Variants in EML4 observed in about 807,000 individuals in gnomAD.
The protein encoded by EML4 is echinoderm microtubule-associated protein-like 4.
In EML4, 72 loss-of-function variants were observed where a neutral mutation model predicts 129.0. The observed-to-expected ratio is 0.56, with a 90% CI of 0.46 to 0.68. The LOEUF (loss-of-function observed/expected upper bound fraction) is 0.68. Ranked by LOEUF, EML4 falls within the 30% of genes least tolerant of loss-of-function variation. The probability of loss-of-function intolerance (pLI) is 0.00; values close to 1 mark genes in which losing one functional copy is unlikely to be tolerated. For missense variants in EML4, 1,363 were observed against 1,190.6 expected (o/e 1.14, Z -2.13); for synonymous variants, 532 against 405.0 (o/e 1.31, Z -3.77).
At chr2:42,270,876 C>G (rs761145268) in intron 6 of EML4, among the ~76,000 whole-genome samples, 1 of 152,186 alleles carries the variant, frequency 6.6e-6, no homozygotes. Flanking sequence ...GAGACACATA[C>G]TTAATTCTAA....
chr2:42,204,497 A>G (rs1672422450), intron 1 of EML4, among the ~76,000 whole-genome samples: 1 of 152,174 alleles, frequency 6.6e-6, no homozygotes, highest in Non-Finnish European at 1.5e-5. Context: ...CATTGACAGT[A>G]CCCAAAAGAA....
At chr2:42,174,319 C>G (rs892284368) in intron 1 of EML4, among the ~76,000 whole-genome samples, 12 of 152,020 alleles carry the variant, frequency 7.9e-5, no homozygotes, top group African/African-American at 2.4e-4. Context: ...CTGACGGAGT[C>G]TTGCTCTGTC....
In EML4 at chr2:42,331,418, A is replaced by G; in HGVS notation, c.*1211A>G. 4.5e-6 allele frequency: 1 copy of G among 223,854 alleles called. No homozygotes were observed. The highest frequency in any genetic ancestry group is 5.7e-5 in the Admixed American group (1 of 17,522). The allele number at this position is 223,854 out of a possible 1,614,324, so 13.9% of individuals were successfully genotyped here. On this transcript the variant is annotated 3_prime_UTR_variant, in exon 23 of 23. Transcript: ENST00000318522. ...ATGCATTGGAAAGGTATTTTTTTTAAGTTCTGTTGGCTAGCTATGGTTTTC... is the reference window on the plus strand; with the variant it reads ...ATGCATTGGAAAGGTATTTTTTTTAGGTTCTGTTGGCTAGCTATGGTTTTC...
chr2:42,222,537 G>C (rs766280868), intron 1 of EML4, among the ~76,000 whole-genome samples: 4 of 152,020 alleles, frequency 2.6e-5, no homozygotes, highest in Non-Finnish European at 5.9e-5. Flanking sequence ...CCAGTAATTG[G>C]GACAAAGACC....
In EML4 at chr2:42,235,295, C is replaced by CA. The variant is rs770826722; in HGVS notation, c.26-10195dup. ...GGGTGACAAGAGCGAAACTCCATCTCAAAAAAAAAAAAAAAGTAGCAGAGC... is the reference window on the plus strand; with the variant it reads ...GGGTGACAAGAGCGAAACTCCATCTCAAAAAAAAAAAAAAAAGTAGCAGAGC... On this transcript the variant is annotated intron_variant, in intron 1 of 22. Transcript: ENST00000318522. 5.1e-3 allele frequency among the ~76,000 whole-genome samples: 619 copies of CA among 121,754 alleles called. 3 individuals carry two copies. Among genetic ancestry groups the CA allele is most frequent in the African/African-American group, 0.013 (437 of 32,518 alleles). 79.9% of individuals were successfully genotyped at this position (121,754 alleles called of 152,430 possible).
At chr2:42,327,061 C>T (rs1669848999) in intron 21 of EML4, among the ~76,000 whole-genome samples, 1 of 152,100 alleles carries the variant, frequency 6.6e-6, no homozygotes, top group Non-Finnish European at 1.5e-5. Context: ...ATTGATTTGC[C>T]TTTTCTGTAT....
chr2:42,305,970 T>G (rs1668573680), intron 17 of EML4, among the ~76,000 whole-genome samples: 1 of 152,200 alleles, frequency 6.6e-6, no homozygotes, highest in South Asian at 2.1e-4. Flanking sequence ...TCTTCTTACA[T>G]ATAGTGCTGC....
At chr2:42,215,511 A>AT (rs1170805544) in intron 1 of EML4, among the ~76,000 whole-genome samples, 14 of 151,788 alleles carry the variant, frequency 9.2e-5, no homozygotes, top group South Asian at 4.2e-4. Flanking sequence ...CTCAGACTAG[A>AT]TTTTTTTTCT....
At chr2:42,253,301 T>G (rs1675899357) in intron 2 of EML4, among the ~76,000 whole-genome samples, 1 of 152,194 alleles carries the variant, frequency 6.6e-6, no homozygotes, top group Admixed American at 6.5e-5. Flanking sequence ...TAAAGAATCT[T>G]AAGCTGAGGA....
intron 19 of EML4, among the ~76,000 whole-genome samples, chr2:42,320,644 T>C (rs1202791439): frequency 6.6e-6 from 1 of 152,218 alleles, no homozygotes; most frequent in Non-Finnish European, 1.5e-5. Context: ...AAAAATAGTT[T>C]TACAATGATG....
Position 42,288,250 on chromosome 2 carries a change from T to C in EML4, c.1146T>C (p.Ile382=). The C allele has an allele frequency of 6.5e-7, 1 of 1,530,080 alleles. No homozygotes were observed. Among genetic ancestry groups the C allele is most frequent in the Non-Finnish European group, 9.0e-7 (1 of 1,116,550 alleles). 94.8% of individuals were successfully genotyped at this position (1,530,080 alleles called of 1,614,324 possible). A position where few individuals can be genotyped will look rare whatever the true frequency, so the allele number is the denominator to read the frequency against. ...SKADSGVHLC[I]IDDSNEHMLT... ...AGGATTCAGGTGTTCATTTATGTAT[T>C]ATTGATGACTCCAATGAGCATATGC... is the stretch of plus-strand genomic sequence containing the variant. The change falls in exon 11 of 23, where the codon ATT becomes ATC. Residue 382 remains isoleucine (I), a synonymous_variant. Transcript: ENST00000318522.
intron 17 of EML4, among the ~76,000 whole-genome samples, chr2:42,309,644 T>G (rs1668819153): frequency 6.6e-6 from 1 of 152,200 alleles, no homozygotes; most frequent in Non-Finnish European, 1.5e-5. Flanking sequence ...CTCTGATGGC[T>G]AATGATGTTG....
At chr2:42,249,574 T>C (rs1357920163) in intron 2 of EML4, among the ~76,000 whole-genome samples, 1 of 152,230 alleles carries the variant, frequency 6.6e-6, no homozygotes, top group African/African-American at 2.4e-5. Context: ...TGACCAAAAG[T>C]AAATGCTAAT....
chr2:42,289,792 G>C (rs1056765850), intron 11 of EML4: 20 of 151,470 alleles, frequency 1.3e-4, no homozygotes, highest in African/African-American at 4.6e-4. Flanking sequence ...ATCTGGCCAG[G>C]GGTAGTCACT....
chr2:42,326,652 T>C (rs1669824714), intron 21 of EML4, among the ~76,000 whole-genome samples: 1 of 152,100 alleles, frequency 6.6e-6, no homozygotes, highest in South Asian at 2.1e-4. Flanking sequence ...GAGGCCGAGG[T>C]GGGCAAATCA....
Position 42,303,294 on chromosome 2 carries a change from ATGAG to A in EML4, c.1768-18_1768-15del, listed in dbSNP as rs746704625. 1 of 1,614,112 alleles carries A rather than the reference ATGAG, an allele frequency of 6.2e-7. No homozygotes were observed. The highest frequency in any genetic ancestry group is 1.7e-5 in the Admixed American group (1 of 60,018). On this transcript the variant is annotated splice_polypyrimidine_tract_variant and intron_variant, in intron 15 of 22. Coordinates refer to ENST00000318522, the MANE Select transcript of EML4 (RefSeq NM_019063.5). Reference sequence around the variant, plus strand: ...ATGATATTCTTTGGTTCTTATAACAATGAGTGTCTTTCATTTTCAGGGTCATACA... The same window carrying A: ...ATGATATTCTTTGGTTCTTATAACAATGTCTTTCATTTTCAGGGTCATACA...
At chr2:42,176,820 G>A (rs1572829078) in intron 1 of EML4, among the ~76,000 whole-genome samples, 1 of 152,100 alleles carries the variant, frequency 6.6e-6, no homozygotes, top group Non-Finnish European at 1.5e-5. Flanking sequence ...ATGAGACAGA[G>A]TTTTGCTTTG....
intron 10 of EML4, among the ~76,000 whole-genome samples, chr2:42,287,032 C>T (rs1480156484): frequency 6.6e-6 from 1 of 152,122 alleles, no homozygotes; most frequent in African/African-American, 2.4e-5. Context: ...AGTCAACCTT[C>T]TATATTTTAG....
chr2:42,194,969 ATTGT>A (rs1177824428), intron 1 of EML4, among the ~76,000 whole-genome samples: 1 of 152,188 alleles, frequency 6.6e-6, no homozygotes, highest in Non-Finnish European at 1.5e-5. Flanking sequence ...AACAAACAAC[ATTGT>A]TTGGCAAAGA....
Sources: allele counts gnomAD v4.1 joint callset (sites outside exome capture counted in the v4.1 genomes callset), GRCh38; gene constraint gnomAD v4.1.1; transcripts MANE v1.5; gene names NCBI Gene and HGNC (gene_info 2026-07-23, HGNC 2026-07-21).